Variants in SCRG1 observed in about 807,000 individuals in gnomAD.
SCRG1 encodes stimulator of chondrogenesis 1.
SCRG1 carries 3 observed loss-of-function variants against 7.7 expected under a neutral mutation model. The observed-to-expected ratio is 0.39, with a 90% confidence interval of 0.18 to 1.01. The LOEUF (loss-of-function observed/expected upper bound fraction) is 1.01, where lower values mean the gene tolerates loss of function less well. Among genes scored for constraint, SCRG1 ranks in the 50% least tolerant of loss-of-function variants. The pLI, the probability that SCRG1 is intolerant of heterozygous loss-of-function variation, is 0.36. For missense variants in SCRG1, 110 were observed against 117.2 expected (o/e 0.94, Z 0.28); for synonymous variants, 46 against 41.2 (o/e 1.12, Z -0.44).
the SCRG1 span, among the ~76,000 whole-genome samples, chr4:173,483,843 A>ATGATATG: frequency 5.5e-5 from 1 of 18,040 alleles, no homozygotes; most frequent in African/African-American, 1.1e-4. Flanking sequence ...TATATAATAT[A>ATGATATG]TAATATATAT....
At chr4:173,404,948 A>G (rs1041565349) in intron 1 of SCRG1, among the ~76,000 whole-genome samples, 1 of 152,220 alleles carries the variant, frequency 6.6e-6, no homozygotes, top group Non-Finnish European at 1.5e-5. Context: ...CTTCCTATAT[A>G]CCCTATATCC....
At chr4:173,502,158 C>T in the SCRG1 span, among the ~76,000 whole-genome samples, 1 of 150,000 alleles carries the variant, frequency 6.7e-6, no homozygotes, top group Non-Finnish European at 1.5e-5. This position sits in a 1 kb window ranked among gnomAD's most constrained non-coding sequence, Gnocchi z 4.6. Context: ...TTTTCTGACC[C>T]TTCCTCAACC....
chr4:173,440,127 G>A, the SCRG1 span, among the ~76,000 whole-genome samples: 5 of 152,140 alleles, frequency 3.3e-5, no homozygotes, highest in African/African-American at 1.2e-4. Context: ...AAGCGCTACA[G>A]GTTTCTTTTT....
chr4:173,392,441 A>C (rs1484979828), intron 1 of SCRG1, among the ~76,000 whole-genome samples: 1 of 152,216 alleles, frequency 6.6e-6, no homozygotes, highest in Non-Finnish European at 1.5e-5. Flanking sequence ...TACAGTTCTA[A>C]CATTTCCCTT....
the SCRG1 span, among the ~76,000 whole-genome samples, chr4:173,415,055 T>A: frequency 6.6e-6 from 1 of 152,238 alleles, no homozygotes; most frequent in Admixed American, 6.5e-5. Context: ...AGCAAATTTA[T>A]ATGCACAATA....
the SCRG1 span, among the ~76,000 whole-genome samples, chr4:173,485,036 T>TAAA: frequency 2.7e-4 from 3 of 10,940 alleles, 1 homozygote; most frequent in African/African-American, 7.6e-4. Flanking sequence ...ATATTATATA[T>TAAA]TATATATTAT....
the SCRG1 span, among the ~76,000 whole-genome samples, chr4:173,447,374 T>G: frequency 6.6e-6 from 1 of 152,188 alleles, no homozygotes; most frequent in Non-Finnish European, 1.5e-5. Context: ...GATTTGAACA[T>G]GTAAATTTCA....
the SCRG1 span, among the ~76,000 whole-genome samples, chr4:173,451,630 CTTATTTTATTTATTTAT>C: frequency 0.084 from 4,179 of 50,008 alleles, 262 homozygotes; most frequent in African/African-American, 0.15. Context: ...ATTTTACTTA[CTTATTTTATTTATTTAT>C]TTATTTATTT....
At chr4:173,514,505 G>C in the SCRG1 span, among the ~76,000 whole-genome samples, 100 of 152,244 alleles carry the variant, frequency 6.6e-4, no homozygotes, top group Non-Finnish European at 1.3e-3. Flanking sequence ...CTTTACCTAG[G>C]TGTAAAAGTT....
the SCRG1 span, among the ~76,000 whole-genome samples, chr4:173,471,193 G>A: frequency 6.6e-6 from 1 of 152,194 alleles, no homozygotes; most frequent in Non-Finnish European, 1.5e-5. Context: ...GTCCTTTGAA[G>A]TATTAGAATC....
At chr4:173,405,678 G>A (rs773334914) in intron 1 of SCRG1, among the ~76,000 whole-genome samples, 1 of 152,184 alleles carries the variant, frequency 6.6e-6, no homozygotes, top group African/African-American at 2.4e-5. Context: ...AATATTCCTT[G>A]CTCAAACTGT....
the SCRG1 span, among the ~76,000 whole-genome samples, chr4:173,481,280 A>C: frequency 2.0e-5 from 3 of 152,148 alleles, no homozygotes; most frequent in Non-Finnish European, 4.4e-5. Context: ...CTTGCTGTTC[A>C]TATCAGTGAA....
chr4:173,511,350 G>A, the SCRG1 span, among the ~76,000 whole-genome samples: 865 of 152,272 alleles, frequency 5.7e-3, 10 homozygotes, highest in African/African-American at 0.019. This position sits in a 1 kb window ranked among gnomAD's most constrained non-coding sequence, Gnocchi z 5.2. Flanking sequence ...AGATAGGCCT[G>A]CTCAATTAAC....
the SCRG1 span, among the ~76,000 whole-genome samples, chr4:173,414,748 AGT>A: frequency 6.6e-6 from 1 of 152,298 alleles, no homozygotes; most frequent in Admixed American, 6.5e-5. Context: ...TGTTGAAAAG[AGT>A]GTGTGCTTCT....
chr4:173,475,362 G>A, the SCRG1 span, among the ~76,000 whole-genome samples: 1 of 152,324 alleles, frequency 6.6e-6, no homozygotes, highest in East Asian at 1.9e-4. Context: ...GGCCAAGGAT[G>A]CTAAACATTC....
chr4:173,463,423 C>G, the SCRG1 span, among the ~76,000 whole-genome samples: 1 of 152,144 alleles, frequency 6.6e-6, no homozygotes, highest in African/African-American at 2.4e-5. Context: ...CACAGGCACA[C>G]GCCACCATGC....
the SCRG1 span, among the ~76,000 whole-genome samples, chr4:173,454,813 G>C: frequency 6.6e-6 from 1 of 152,186 alleles, no homozygotes; most frequent in African/African-American, 2.4e-5. Context: ...ACCAGTTACA[G>C]TACCAGGTTC....
At chr4:173,484,382 T>A in the SCRG1 span, among the ~76,000 whole-genome samples, 1 of 46,796 alleles carries the variant, frequency 2.1e-5, no homozygotes, top group Non-Finnish European at 3.9e-5. Context: ...ATATATTATG[T>A]ATATTTTATA....
the SCRG1 span, among the ~76,000 whole-genome samples, chr4:173,432,332 T>TCCCCCCCTCCCTCCC: frequency 7.5e-6 from 1 of 133,088 alleles, no homozygotes; most frequent in Non-Finnish European, 1.6e-5. Context: ...CCTTCCTTCC[T>TCCCCCCCTCCCTCCC]TCCTTCCTCT....
Sources: allele counts gnomAD v4.1 joint callset (sites outside exome capture counted in the v4.1 genomes callset), GRCh38; gene constraint gnomAD v4.1.1; non-coding constraint Gnocchi (gnomAD v3.1); transcripts MANE v1.5; gene names NCBI Gene and HGNC (gene_info 2026-07-23, HGNC 2026-07-21).